Variants in ACSM2B observed in about 807,000 individuals in gnomAD.
ACSM2B encodes acyl-CoA synthetase medium chain family member 2B.
Under a neutral mutation model 78.6 loss-of-function variants are expected in ACSM2B, and 58 were observed. The observed-to-expected ratio is 0.74, with a 90% CI of 0.60 to 0.92. ACSM2B has a LOEUF of 0.92. ACSM2B is among the 40% of genes least tolerant of loss of function. The pLI is 0.00. For synonymous variants in ACSM2B, 257 were observed against 256.8 expected, an observed-to-expected ratio of 1.00 and a Z score of -0.01; for missense variants, 688 against 711.2, an observed-to-expected ratio of 0.97 and a Z score of 0.37.
chr16:20,566,967 T>G (rs1215837927), intron 1 of ACSM2B, among the ~76,000 whole-genome samples: 3 of 121,316 alleles, frequency 2.5e-5, no homozygotes. Context: ...TATTATATAT[T>G]ATATATTATA....
chr16:20,563,729 C>A (rs61432045), intron 2 of ACSM2B, among the ~76,000 whole-genome samples: 78,273 of 145,910 alleles, frequency 0.54, 23,219 homozygotes, highest in Non-Finnish European at 0.7. Flanking sequence ...CACACTAAGA[C>A]TGTTTCATAG....
chr16:20,555,812 C>T (rs1372941972), intron 3 of ACSM2B, among the ~76,000 whole-genome samples: 1 of 152,164 alleles, frequency 6.6e-6, no homozygotes, highest in African/African-American at 2.4e-5. Context: ...GTATTCAAAA[C>T]TCTCATATGA....
intron 13 of ACSM2B, among the ~76,000 whole-genome samples, chr16:20,540,213 G>GTT (rs574914645): frequency 2.6e-5 from 2 of 76,654 alleles, no homozygotes; most frequent in Non-Finnish European, 5.8e-5. Context: ...AGGAAGAGTT[G>GTT]TTTTTTTTTT....
At chr16:20,543,438 T>C (rs370189748) in intron 10 of ACSM2B, among the ~76,000 whole-genome samples, 176 bp from the exon 11 acceptor site, 9,153 of 152,174 alleles carry the variant, frequency 0.06, 371 homozygotes, top group Non-Finnish European at 0.088. Flanking sequence ...AGAACTGGAT[T>C]TTTCCCATTT....
intron 8 of ACSM2B, chr16:20,547,423 G>C (rs1157007763): frequency 1.0e-6 from 1 of 984,924 alleles, no homozygotes; most frequent in Admixed American, 6.1e-5. Flanking sequence ...GGGTAAGAGA[G>C]TGGAGAGGAA....
intron 1 of ACSM2B, chr16:20,574,186 A>T (rs966779934): frequency 2.0e-5 from 3 of 151,984 alleles, no homozygotes; most frequent in African/African-American, 7.2e-5. Flanking sequence ...CTACTTGCAC[A>T]TCCTTCTATA....
chr16:20,543,071 G>A (rs1469518771), intron 11 of ACSM2B, 58 bp from the exon 12 acceptor site: 2 of 1,612,632 alleles, frequency 1.2e-6, no homozygotes, highest in Non-Finnish European at 8.5e-7. Flanking sequence ...GGCCATTCCG[G>A]AAGTCTGGAA....
chr16:20,555,487 C>T lies in ACSM2B; in HGVS notation c.389-11G>A, dbSNP rs1237222357. On this transcript the variant is annotated splice_polypyrimidine_tract_variant and intron_variant, in intron 3 of 13. Coordinates refer to ENST00000329697, the MANE Select transcript of ACSM2B (RefSeq NM_001105069.2). ...GCATAAAGATGAGACCTAAAGAAGC[C>T]AACAATTTAGAGAATTGGAAAGGAT... 1 of 1,611,172 alleles carries T rather than the reference C, an allele frequency of 6.2e-7. No individual in the cohort carries two copies.
In ACSM2B at chr16:20,537,328, G is replaced by C; in HGVS notation, c.1664C>G (p.Thr555Arg). The change falls in exon 14 of 14, where the codon ACA becomes AGA. Residue 555 changes from threonine to arginine, a missense_variant. Coordinates refer to ENST00000329697, the MANE Select transcript of ACSM2B (RefSeq NM_001105069.2). ...AAGTTTGGTTCGTTGAATTTTCCCT[G>C]TGACAGTCTTGGGCAGGTTCAAGAC... ...EFVLNLPKTV[T>R]GKIQRTKLRD... 6.2e-7 allele frequency: 1 copy of C among 1,614,026 alleles called. No homozygotes were observed. The highest frequency in any genetic ancestry group is 8.5e-7 in the Non-Finnish European group (1 of 1,179,910).
chr16:20,570,266 T>C lies in ACSM2B; in HGVS notation c.-8-5413A>G, dbSNP rs540780660. ...CTGATTTTGCTGAGGGTTTTAATCATAAGAGGATGCTGGATTTTTGTCAAA... is the reference window on the plus strand; with the variant it reads ...CTGATTTTGCTGAGGGTTTTAATCACAAGAGGATGCTGGATTTTTGTCAAA... On this transcript the variant is annotated intron_variant, in intron 1 of 13. Coordinates refer to ENST00000329697, the MANE Select transcript of ACSM2B (RefSeq NM_001105069.2). Among the ~76,000 whole-genome samples, 361 of 151,998 alleles carry C rather than the reference T, an allele frequency of 2.4e-3. 2 individuals are homozygous for C. The highest frequency in any genetic ancestry group is 4.3e-3 in the Non-Finnish European group (292 of 67,824).
intron 1 of ACSM2B, among the ~76,000 whole-genome samples, chr16:20,566,658 A>AC (rs1349386376): frequency 0.09 from 650 of 7,222 alleles, 11 homozygotes; most frequent in South Asian, 0.17. Flanking sequence ...TACTATATAT[A>AC]TGTATATATA....
At chr16:20,547,774 A>G (rs568658547) in intron 8 of ACSM2B, 11 of 1,041,370 alleles carry the variant, frequency 1.1e-5, no homozygotes, top group Middle Eastern at 7.7e-4. Flanking sequence ...CATCTCATCT[A>G]CTTTACTTTT....
At chr16:20,553,637 GTCCTCTTTAGCTTTCCTTCTGAATT>G (rs1698419205) in intron 5 of ACSM2B, 115 bp downstream of exon 5, 1 of 1,346,722 alleles carries the variant, frequency 7.4e-7, no homozygotes, top group Admixed American at 2.4e-5. Flanking sequence ...GTGAAGCCAT[GTCCTCTTTAGCTTTCCTTCTGAATT>G]TTCTTTCTCA....
At chr16:20,563,056 GA>G (rs908107353) in intron 2 of ACSM2B, among the ~76,000 whole-genome samples, 2 of 151,980 alleles carry the variant, frequency 1.3e-5, no homozygotes, top group African/African-American at 4.8e-5. Context: ...AATTATCTTT[GA>G]AAACCCTAGT....
chr16:20,566,452 T>A (rs1340358785), intron 1 of ACSM2B, among the ~76,000 whole-genome samples: 1 of 125,382 alleles, frequency 8.0e-6, no homozygotes, highest in East Asian at 2.1e-4. Flanking sequence ...TATAACATAT[T>A]ATATAATATA....
intron 2 of ACSM2B, among the ~76,000 whole-genome samples, chr16:20,561,041 C>T (rs918147702): frequency 2.6e-5 from 4 of 151,990 alleles, no homozygotes; most frequent in Admixed American, 1.3e-4. Flanking sequence ...CAAGATTTGA[C>T]CTGAATGTTT....
rs569307098 is a variant in ACSM2B at position 20,547,841 on chromosome 16, T to G, written c.1098+221A>C. 1.1e-3 allele frequency: 1,307 copies of G among 1,186,202 alleles called. 5 individuals are homozygous for G. The highest frequency in any genetic ancestry group is 1.3e-3 in the Non-Finnish European group (1,167 of 894,124). 73.5% of individuals were successfully genotyped at this position (1,186,202 alleles called of 1,614,324 possible). ...GATATTTCTTAGTTTATTGTCTCTCTCCCCAAATCTCACTGGAATGTAATC... is the reference window on the plus strand; with the variant it reads ...GATATTTCTTAGTTTATTGTCTCTCGCCCCAAATCTCACTGGAATGTAATC... On this transcript the variant is annotated intron_variant, in intron 8 of 13. Transcript: ENST00000329697.
chr16:20,537,292 T>G lies in ACSM2B; in HGVS notation c.1700A>C (p.Glu567Ala), dbSNP rs757808803. 1 of 1,614,048 alleles carries G rather than the reference T, an allele frequency of 6.2e-7. No homozygotes were observed. Among genetic ancestry groups the G allele is most frequent in the South Asian group, 1.1e-5 (1 of 91,080 alleles). The change falls in exon 14 of 14, where the codon GAG becomes GCG. Residue 567 changes from glutamate (E) to alanine (A), a missense_variant. Glu to Ala is a moderately radical substitution (Grantham distance 107). Transcript: ENST00000329697. ...KIQRTKLRDK[E>A]WKMSGKARAQ is the part of the protein sequence containing the mutation. ...ACGGGCTTTTCCGGACATCTTCCACTCCTTGTCTCGAAGTTTGGTTCGTTG... is the reference window on the plus strand; with the variant it reads ...ACGGGCTTTTCCGGACATCTTCCACGCCTTGTCTCGAAGTTTGGTTCGTTG...
intron 1 of ACSM2B, among the ~76,000 whole-genome samples, chr16:20,569,197 G>A (rs2016022209): frequency 6.6e-6 from 1 of 151,884 alleles, no homozygotes; most frequent in Non-Finnish European, 1.5e-5. Flanking sequence ...ATAGTTTCAG[G>A]TCTTAGATTT....
Sources: gnomAD v4.1 joint callset for allele counts (sites outside exome capture counted in the v4.1 genomes callset) on GRCh38, gnomAD v4.1.1 for gene constraint, MANE v1.5 for transcripts, NCBI Gene and HGNC (gene_info 2026-07-23, HGNC 2026-07-21) for gene names.